The following OR9Q1 variants were observed in gnomAD, a reference collection of about 807,000 sequenced individuals.
OR9Q1 encodes the protein olfactory receptor family 9 subfamily Q member 1, also known as olfactory receptor 9Q1.
For synonymous variants in OR9Q1, 153 were observed against 148.6 expected, an observed-to-expected ratio of 1.03 and a Z score of -0.22; for missense variants, 374 against 378.8, an observed-to-expected ratio of 0.99 and a Z score of 0.11.
chr11:58,133,190 CCTCTAACATAAAATGGGTTTTT>C (rs1854159666), intron 2 of OR9Q1, among the ~76,000 whole-genome samples: 1 of 152,192 alleles, frequency 6.6e-6, no homozygotes, highest in African/African-American at 2.4e-5. Context: ...ACTTCAGTTT[CCTCTAACATAAAATGGGTTTTT>C]CTCTTTGTTT....
At chr11:58,113,722 G>T (rs1352029951) in intron 2 of OR9Q1, among the ~76,000 whole-genome samples, 1 of 152,134 alleles carries the variant, frequency 6.6e-6, no homozygotes, top group African/African-American at 2.4e-5. Flanking sequence ...TATAGCCTCT[G>T]CAAAGTGTGC....
chr11:58,173,213 G>A (rs1424648214), intron 2 of OR9Q1, among the ~76,000 whole-genome samples: 4 of 151,632 alleles, frequency 2.6e-5, no homozygotes, highest in East Asian at 3.9e-4. Context: ...GTATACATGT[G>A]CCATGTTGGT....
chr11:58,048,679 A>AAATATATATATATATATATAT (rs745596668), intron 1 of OR9Q1, among the ~76,000 whole-genome samples: 20 of 131,416 alleles, frequency 1.5e-4, no homozygotes, highest in African/African-American at 5.6e-4. Context: ...TAAAAAAAAA[A>AAATATATATATATATATATAT]ATATATATAT....
intron 1 of OR9Q1, among the ~76,000 whole-genome samples, chr11:58,045,901 A>C (rs554218233): frequency 1.3e-5 from 2 of 152,272 alleles, no homozygotes; most frequent in East Asian, 1.9e-4. Flanking sequence ...TGTCCTGTGC[A>C]TCTTAGGGCA....
intron 2 of OR9Q1, among the ~76,000 whole-genome samples, chr11:58,098,238 T>A (rs1047744878): frequency 6.6e-6 from 1 of 152,204 alleles, no homozygotes; most frequent in African/African-American, 2.4e-5. Context: ...GAAGTGTTCT[T>A]AATTATAGAT....
At chr11:58,088,693 G>T (rs889134478) in intron 2 of OR9Q1, among the ~76,000 whole-genome samples, 2 of 151,606 alleles carry the variant, frequency 1.3e-5, no homozygotes, top group African/African-American at 4.9e-5. Flanking sequence ...TTGTAAATTT[G>T]TTTATGTTCC....
At chr11:58,123,870 T>C (rs1321950733) in intron 2 of OR9Q1, among the ~76,000 whole-genome samples, 3 of 152,210 alleles carry the variant, frequency 2.0e-5, no homozygotes, top group Non-Finnish European at 2.9e-5. Flanking sequence ...TTCTTTGTGG[T>C]CCATGTTTTT....
chr11:58,161,953 C>T (rs1188460520), intron 2 of OR9Q1, among the ~76,000 whole-genome samples: 3 of 152,190 alleles, frequency 2.0e-5, no homozygotes, highest in African/African-American at 7.2e-5. Flanking sequence ...TAGCATTGCT[C>T]AGAGCTTTCC....
intron 2 of OR9Q1, among the ~76,000 whole-genome samples, chr11:58,164,868 C>T (rs1854487014): frequency 6.6e-6 from 1 of 152,134 alleles, no homozygotes; most frequent in African/African-American, 2.4e-5. Context: ...GCCTCAGAGC[C>T]CTTGCATTTG....
intron 2 of OR9Q1, among the ~76,000 whole-genome samples, chr11:58,178,906 A>G (rs971762778): frequency 2.1e-5 from 3 of 144,740 alleles, no homozygotes; most frequent in African/African-American, 7.6e-5. Flanking sequence ...TATATATTAT[A>G]TATATTATAT....
At chr11:58,120,919 C>T (rs1228945240) in intron 2 of OR9Q1, among the ~76,000 whole-genome samples, 1 of 150,906 alleles carries the variant, frequency 6.6e-6, no homozygotes, top group African/African-American at 2.4e-5. Flanking sequence ...CTTCTCCCTT[C>T]CACCCCCTTA....
chr11:58,063,502 G>C (rs1158060450), intron 2 of OR9Q1, among the ~76,000 whole-genome samples: 4 of 152,082 alleles, frequency 2.6e-5, no homozygotes, highest in Non-Finnish European at 5.9e-5. Context: ...GTAAATGATA[G>C]ATATAGTTAT....
At chr11:58,031,813 C>T in intron 1 of OR9Q1, 2 of 1,614,116 alleles carry the variant, frequency 1.2e-6, no homozygotes, top group African/African-American at 1.3e-5. Flanking sequence ...TTGTCACGCC[C>T]ATGCTCAATC....
intron 2 of OR9Q1, among the ~76,000 whole-genome samples, chr11:58,177,551 G>A (rs1854617380): frequency 6.6e-6 from 1 of 152,136 alleles, no homozygotes; most frequent in Non-Finnish European, 1.5e-5. Context: ...TCTTATAAAA[G>A]CATTTTTGGT....
chr11:58,160,616 T>C (rs1854448316), intron 2 of OR9Q1, among the ~76,000 whole-genome samples: 1 of 152,168 alleles, frequency 6.6e-6, no homozygotes, highest in African/African-American at 2.4e-5. Flanking sequence ...TGTGCCACCA[T>C]GCCTGGCTAA....
chr11:58,143,849 C>A (rs2119875684), intron 2 of OR9Q1, among the ~76,000 whole-genome samples: 1 of 152,032 alleles, frequency 6.6e-6, no homozygotes, highest in Non-Finnish European at 1.5e-5. Context: ...ACATGTACCC[C>A]AGAACTTAAC....
chr11:58,180,804 T>A lies in OR9Q1; in HGVS notation c.*427T>A. 1 of 170,698 alleles carries A rather than the reference T, an allele frequency of 5.9e-6. No individual in the cohort carries two copies. 10.6% of individuals were successfully genotyped at this position (170,698 alleles called of 1,614,324 possible). ...TGCTGTCTTTACTTGGTTACATAGA[T>A]GTAATCTATCCGTGAGTTTATTCAT... is the stretch of plus-strand genomic sequence containing the variant. On this transcript the variant is annotated 3_prime_UTR_variant, in exon 3 of 3. Transcript: ENST00000335397.
chr11:58,143,060 T>A (rs1354955343), intron 2 of OR9Q1, among the ~76,000 whole-genome samples: 1 of 152,120 alleles, frequency 6.6e-6, no homozygotes, highest in Non-Finnish European at 1.5e-5. Context: ...TATATGCACA[T>A]CAGAAACAAC....
At chr11:58,090,727 CT>C (rs1414049237) in intron 2 of OR9Q1, among the ~76,000 whole-genome samples, 5 of 152,192 alleles carry the variant, frequency 3.3e-5, no homozygotes, top group Admixed American at 2.0e-4. Context: ...GTACCAGCTC[CT>C]TTTTGTACCT....
Sources: gnomAD v4.1 joint callset for allele counts (sites outside exome capture counted in the v4.1 genomes callset) on GRCh38, gnomAD v4.1.1 for gene constraint, MANE v1.5 for transcripts, NCBI Gene and HGNC (gene_info 2026-07-23, HGNC 2026-07-21) for gene names.